TRIM9: variants seen among roughly 807,000 people sequenced by gnomAD.
TRIM9 encodes the protein E3 ubiquitin-protein ligase TRIM9.
Under a neutral mutation model 78.3 loss-of-function variants are expected in TRIM9, and 26 were observed. The observed-to-expected ratio is 0.33, with a 90% CI of 0.24 to 0.46. TRIM9 has a LOEUF of 0.46. Ranked by LOEUF, TRIM9 falls within the 20% of genes least tolerant of loss-of-function variation. The pLI, the probability that TRIM9 is intolerant of heterozygous loss-of-function variation, is 1.00. For synonymous variants in TRIM9, 398 were observed against 416.5 expected, an observed-to-expected ratio of 0.96 and a Z score of 0.54; for missense variants, 787 against 1,036.4, an observed-to-expected ratio of 0.76 and a Z score of 3.30.
chr14:51,086,707 G>C (rs2063784403), intron 1 of TRIM9, among the ~76,000 whole-genome samples: 1 of 152,134 alleles, frequency 6.6e-6, no homozygotes, highest in Non-Finnish European at 1.5e-5. Context: ...ATGGAGGAGG[G>C]TGAGCTGAAC....
intron 1 of TRIM9, among the ~76,000 whole-genome samples, chr14:51,083,209 T>C (rs909743574): frequency 6.6e-6 from 1 of 152,176 alleles, no homozygotes; most frequent in African/African-American, 2.4e-5. Flanking sequence ...TTGAAATATG[T>C]GTGGGGTTTA....
intron 7 of TRIM9, chr14:50,996,437 T>A: frequency 1.0e-6 from 1 of 985,466 alleles, no homozygotes; most frequent in Non-Finnish European, 1.2e-6. Flanking sequence ...CTCAGGCTGT[T>A]ATGCTAATAA....
chr14:50,981,663 G>T (rs987383516), intron 11 of TRIM9, 137 bp downstream of exon 11: 2 of 1,076,310 alleles, frequency 1.9e-6, no homozygotes, highest in African/African-American at 3.1e-5. Context: ...GAGGCTCATA[G>T]ATTGCCTGTG....
At chr14:51,079,849 A>C (rs2140297950) in intron 1 of TRIM9, among the ~76,000 whole-genome samples, 1 of 152,336 alleles carries the variant, frequency 6.6e-6, no homozygotes, top group African/African-American at 2.4e-5. Context: ...CCAGGAGGGA[A>C]GGCACATACC....
chr14:51,079,754 G>A (rs1407899433), intron 1 of TRIM9, among the ~76,000 whole-genome samples: 1 of 152,122 alleles, frequency 6.6e-6, no homozygotes, highest in African/African-American at 2.4e-5. Flanking sequence ...GGTGGACTAG[G>A]TAGAGAGACT....
intron 11 of TRIM9, among the ~76,000 whole-genome samples, chr14:50,981,313 G>A (rs146669235): frequency 2.3e-3 from 344 of 152,212 alleles, no homozygotes; most frequent in African/African-American, 4.3e-3. Flanking sequence ...TTAATGAATC[G>A]TAATAAGAAG....
intron 7 of TRIM9, among the ~76,000 whole-genome samples, chr14:50,989,504 G>T (rs2053196532): frequency 6.6e-6 from 1 of 151,992 alleles, no homozygotes; most frequent in Admixed American, 6.6e-5. Flanking sequence ...CTATGTTTCA[G>T]GTCACAGCTA....
At chr14:51,056,426 T>C (rs1308007781) in intron 1 of TRIM9, among the ~76,000 whole-genome samples, 9 of 152,148 alleles carry the variant, frequency 5.9e-5, no homozygotes, top group Admixed American at 5.9e-4. Flanking sequence ...CAAAACAAAA[T>C]AAGCAAATTT....
intron 10 of TRIM9, 113 bp downstream of exon 10, chr14:50,982,829 C>A: frequency 9.9e-7 from 1 of 1,006,016 alleles, no homozygotes; most frequent in Non-Finnish European, 1.5e-6. Flanking sequence ...TTCTAAATGC[C>A]ACCTATAAAT....
chr14:50,979,182 G>T, intron 12 of TRIM9: 1 of 1,441,590 alleles, frequency 6.9e-7, no homozygotes, highest in South Asian at 1.5e-5. Flanking sequence ...ACTAGTCTGC[G>T]TCCAAGTATA....
chr14:51,047,299 C>A (rs553597820), intron 1 of TRIM9, among the ~76,000 whole-genome samples: 18 of 152,240 alleles, frequency 1.2e-4, no homozygotes, highest in African/African-American at 3.6e-4. Flanking sequence ...CTTGACTTGC[C>A]CCACCCCAGG....
At chr14:51,075,576 G>T (rs2140267414) in intron 1 of TRIM9, among the ~76,000 whole-genome samples, 1 of 152,264 alleles carries the variant, frequency 6.6e-6, no homozygotes, top group South Asian at 2.1e-4. Context: ...AAGCACTCCT[G>T]TGCAGCTTGT....
Position 51,060,432 on chromosome 14 carries a change from A to T in TRIM9, c.822+33686T>A, listed in dbSNP as rs183115110. 6.2e-4 allele frequency among the ~76,000 whole-genome samples: 95 copies of T among 152,204 alleles called. 1 individual carries two copies. The highest frequency in any genetic ancestry group is 2.1e-3 in the South Asian group (10 of 4,818). Reference sequence around the variant, plus strand: ...CAGCTGCTGTCACTCCACATAATGTATTTGAGACTCATTCTTATTTATTCT... The same window carrying T: ...CAGCTGCTGTCACTCCACATAATGTTTTTGAGACTCATTCTTATTTATTCT... On this transcript the variant is annotated intron_variant, in intron 1 of 12. Transcript: ENST00000684578.
chr14:50,986,389 T>C (rs1264095925), intron 7 of TRIM9: 5 of 341,056 alleles, frequency 1.5e-5, no homozygotes. Flanking sequence ...TCCCGATTTT[T>C]AGTGGTAGAA....
chr14:51,051,265 A>G (rs1160722573), intron 1 of TRIM9, among the ~76,000 whole-genome samples: 1 of 152,256 alleles, frequency 6.6e-6, no homozygotes, highest in African/African-American at 2.4e-5. Flanking sequence ...GGAAGAGAAC[A>G]GTGAGAGAGG....
intron 1 of TRIM9, among the ~76,000 whole-genome samples, chr14:51,029,956 G>C (rs2058588673): frequency 6.6e-6 from 1 of 152,228 alleles, no homozygotes; most frequent in African/African-American, 2.4e-5. Context: ...GAGAAGGTGA[G>C]AGGATGACTA....
chr14:51,093,601 C>T (rs1233359854), intron 1 of TRIM9, among the ~76,000 whole-genome samples: 2 of 152,224 alleles, frequency 1.3e-5, no homozygotes, highest in Non-Finnish European at 2.9e-5. Context: ...CATCAGTATT[C>T]CGCCTGCGGC....
chr14:50,990,797 G>A (rs2053408370), intron 7 of TRIM9, among the ~76,000 whole-genome samples: 2 of 152,138 alleles, frequency 1.3e-5, no homozygotes, highest in Non-Finnish European at 2.9e-5. Flanking sequence ...ACGAAGAATT[G>A]TACAGTGTTA....
At chr14:50,978,781 T>A in intron 12 of TRIM9, 2 of 511,668 alleles carry the variant, frequency 3.9e-6, no homozygotes, top group Non-Finnish European at 5.0e-6. Flanking sequence ...TTTTTTTCAC[T>A]GATGTATCCC....
Sources: gnomAD v4.1 joint callset for allele counts (sites outside exome capture counted in the v4.1 genomes callset) on GRCh38, gnomAD v4.1.1 for gene constraint, MANE v1.5 for transcripts, NCBI Gene and HGNC (gene_info 2026-07-23, HGNC 2026-07-21) for gene names.